Variants in TNR observed in about 807,000 individuals in gnomAD.
TNR encodes tenascin R.
A neutral mutation model predicts 150.4 loss-of-function variants in TNR; 45 were observed. The ratio of observed to expected loss-of-function variants is 0.30; its 90% CI spans 0.24 to 0.38. The LOEUF is 0.38. TNR is among the 10% of genes least tolerant of loss of function. The pLI, the probability that TNR is intolerant of heterozygous loss-of-function variation, is 1.00. For missense variants in TNR, 1,544 were observed against 1,759.1 expected (o/e 0.88, Z 2.19); for synonymous variants, 687 against 678.4 (o/e 1.01, Z -0.20).
intron 1 of TNR, among the ~76,000 whole-genome samples, chr1:175,577,427 A>C (rs1018810001): frequency 3.3e-5 from 5 of 152,048 alleles, no homozygotes; most frequent in Admixed American, 1.3e-4. Context: ...CATTTCCGGG[A>C]TCTCCCTGCT....
At chr1:175,689,370 GT>G (rs34836779) in intron 1 of TNR, among the ~76,000 whole-genome samples, 12,986 of 152,104 alleles carry the variant, frequency 0.085, 709 homozygotes, top group East Asian at 0.17. Flanking sequence ...TCTACCCCAG[GT>G]TTTTTTCCCC....
chr1:175,334,009 G>A (rs1392811386), intron 20 of TNR, among the ~76,000 whole-genome samples: 2 of 152,172 alleles, frequency 1.3e-5, no homozygotes, highest in African/African-American at 4.8e-5. Flanking sequence ...AGGGTGTAGA[G>A]GAGTCTTCAG....
intron 1 of TNR, among the ~76,000 whole-genome samples, chr1:175,559,743 T>C (rs1661345065): frequency 6.6e-6 from 1 of 152,252 alleles, no homozygotes; most frequent in African/African-American, 2.4e-5. Context: ...ACCTTCAGGT[T>C]ATTTCTGTTT....
At chr1:175,521,420 C>T (rs903693989) in intron 2 of TNR, among the ~76,000 whole-genome samples, 2 of 152,160 alleles carry the variant, frequency 1.3e-5, no homozygotes, top group Non-Finnish European at 2.9e-5. Flanking sequence ...GAAAAAGATG[C>T]CTCACTTTGT....
intron 1 of TNR, among the ~76,000 whole-genome samples, chr1:175,667,014 A>C (rs1665550106): frequency 6.6e-6 from 1 of 152,088 alleles, no homozygotes; most frequent in Admixed American, 6.6e-5. Context: ...CAGACTCCCA[A>C]AGTGCTGGGA....
chr1:175,527,609 T>G (rs1419911484), intron 2 of TNR, among the ~76,000 whole-genome samples: 1 of 152,206 alleles, frequency 6.6e-6, no homozygotes, highest in Non-Finnish European at 1.5e-5. Context: ...ATATCAAGTT[T>G]GAGTGCCATG....
intron 1 of TNR, among the ~76,000 whole-genome samples, chr1:175,541,691 C>T (rs1398359870): frequency 1.3e-5 from 2 of 152,232 alleles, no homozygotes; most frequent in South Asian, 2.1e-4. Flanking sequence ...TATGTTGCTG[C>T]ATGAGGTTGA....
At position 175,322,097 on chromosome 1, in the gene TNR, T is replaced by A. The variant is rs920361141; in HGVS notation, c.*1260A>T. Reference sequence around the variant, plus strand: ...GGCTAGGGAAGATCTGTGTTTCCCATGGAAACTATAATCTCTATGGCAGTG... The same window carrying A: ...GGCTAGGGAAGATCTGTGTTTCCCAAGGAAACTATAATCTCTATGGCAGTG... On this transcript the variant is annotated 3_prime_UTR_variant, in exon 23 of 23. Coordinates refer to ENST00000367674, the MANE Select transcript of TNR (RefSeq NM_003285.3). 2 of 152,212 alleles carry A rather than the reference T, an allele frequency of 1.3e-5. No individual in the cohort carries two copies. The highest frequency in any genetic ancestry group is 2.4e-5 in the African/African-American group (1 of 41,464). 9.4% of individuals were successfully genotyped at this position (152,212 alleles called of 1,614,324 possible).
At chr1:175,712,871 T>C (rs1340830560) in intron 1 of TNR, among the ~76,000 whole-genome samples, 1 of 152,110 alleles carries the variant, frequency 6.6e-6, no homozygotes, top group Non-Finnish European at 1.5e-5. Context: ...CTTTATAAAT[T>C]ACCCAATCTC....
chr1:175,618,605 C>T (rs1418733849), intron 1 of TNR, among the ~76,000 whole-genome samples: 1 of 152,238 alleles, frequency 6.6e-6, no homozygotes, highest in Non-Finnish European at 1.5e-5. Context: ...CTGGTAGACA[C>T]TCTCCTTAGC....
At position 175,370,338 on chromosome 1, in the gene TNR, C is replaced by CTTT. The variant is rs55795922; in HGVS notation, c.1964-3044_1964-3042dup. Among the ~76,000 whole-genome samples the CTTT allele has an allele frequency of 5.8e-4, 25 of 42,970 alleles. 1 individual carries two copies. Among genetic ancestry groups the CTTT allele is most frequent in the South Asian group, 1.9e-3 (1 of 532 alleles). The allele number at this position is 42,970 out of a possible 152,430, so 28.2% of individuals were successfully genotyped here. ...GAGAACTATTCCTGGATTTTGAGTA[C>CTTT]TTTTTTTTTTTTTTTTTTTTTTTTT... On this transcript the variant is annotated intron_variant, in intron 9 of 22. Coordinates refer to ENST00000367674, the MANE Select transcript of TNR (RefSeq NM_003285.3).
intron 2 of TNR, among the ~76,000 whole-genome samples, chr1:175,439,908 C>A (rs1655700667): frequency 6.6e-6 from 1 of 152,136 alleles, no homozygotes; most frequent in African/African-American, 2.4e-5. Context: ...GAAATAGGAA[C>A]ACTTTTACAC....
At chr1:175,434,335 T>A (rs928226877) in intron 2 of TNR, among the ~76,000 whole-genome samples, 1 of 152,112 alleles carries the variant, frequency 6.6e-6, no homozygotes, top group African/African-American at 2.4e-5. Context: ...GGATCACCTC[T>A]TGCCTGAATT....
intron 9 of TNR, among the ~76,000 whole-genome samples, chr1:175,373,301 G>T (rs1421727668): frequency 1.3e-5 from 2 of 152,154 alleles, no homozygotes; most frequent in Non-Finnish European, 2.9e-5. Context: ...CCCATCAGTG[G>T]AATTTGGAGA....
intron 2 of TNR, among the ~76,000 whole-genome samples, chr1:175,479,913 G>A (rs1657707946): frequency 6.6e-6 from 1 of 152,060 alleles, no homozygotes; most frequent in South Asian, 2.1e-4. Context: ...AAATCTCCAG[G>A]AATAGAATTC....
intron 18 of TNR, among the ~76,000 whole-genome samples, chr1:175,340,996 C>A (rs531577667): frequency 5.9e-5 from 9 of 152,150 alleles, no homozygotes; most frequent in Non-Finnish European, 1.2e-4. Context: ...TGCATTTAGC[C>A]TGGAGTCTAA....
At chr1:175,521,824 CT>C (rs1659652712) in intron 2 of TNR, among the ~76,000 whole-genome samples, 2 of 152,136 alleles carry the variant, frequency 1.3e-5, no homozygotes, top group South Asian at 4.2e-4. Context: ...CCTGTTTCTG[CT>C]TTCACTACTG....
intron 2 of TNR, among the ~76,000 whole-genome samples, chr1:175,492,646 T>C (rs1350263410): frequency 6.6e-6 from 1 of 152,126 alleles, no homozygotes; most frequent in African/African-American, 2.4e-5. Context: ...GTCAAAACTA[T>C]ATCTATGGAT....
intron 1 of TNR, among the ~76,000 whole-genome samples, chr1:175,674,112 A>T (rs1191337910): frequency 6.6e-6 from 1 of 152,184 alleles, no homozygotes; most frequent in Non-Finnish European, 1.5e-5. Context: ...GTGAGGGTCT[A>T]AAACCAGGTG....
Sources: gnomAD v4.1 joint callset for allele counts (sites outside exome capture counted in the v4.1 genomes callset) on GRCh38, gnomAD v4.1.1 for gene constraint, MANE v1.5 for transcripts, NCBI Gene and HGNC (gene_info 2026-07-23, HGNC 2026-07-21) for gene names.